KLF3: variants seen among roughly 807,000 people sequenced by gnomAD.
KLF3 encodes the protein Krueppel-like factor 3.
KLF3 carries 6 observed loss-of-function variants against 32.7 expected under a neutral mutation model. The ratio of observed to expected loss-of-function variants is 0.18; its 90% CI spans 0.10 to 0.36. The LOEUF (loss-of-function observed/expected upper bound fraction) is 0.36, where lower values mean the gene tolerates loss of function less well. KLF3 is among the 10% of genes least tolerant of loss of function. KLF3 has a pLI of 1.00. For missense variants in KLF3, 338 were observed against 449.7 expected (o/e 0.75, Z 2.25); for synonymous variants, 145 against 172.8 (o/e 0.84, Z 1.26).
At chr4:38,673,070 G>C (rs907528005) in intron 1 of KLF3, among the ~76,000 whole-genome samples, 1 of 152,218 alleles carries the variant, frequency 6.6e-6, no homozygotes, top group Non-Finnish European at 1.5e-5. Context: ...TAAAGGGAGA[G>C]GGTAGGCTTC....
intron 4 of KLF3, among the ~76,000 whole-genome samples, chr4:38,691,009 C>T (rs2109253907): frequency 6.6e-6 from 1 of 152,182 alleles, no homozygotes; most frequent in South Asian, 2.1e-4. Flanking sequence ...AACTCTTAGC[C>T]GACTTCATCA....
intron 1 of KLF3, among the ~76,000 whole-genome samples, chr4:38,665,357 A>G (rs1466055209): frequency 3.3e-5 from 5 of 152,106 alleles, no homozygotes; most frequent in African/African-American, 1.2e-4. Context: ...CCTACCTAAC[A>G]TTTCCAAGTG....
chr4:38,676,543 T>G lies in KLF3; in HGVS notation c.-39-4044T>G, dbSNP rs147253290. Among the ~76,000 whole-genome samples, 122 of 152,320 alleles carry G rather than the reference T, an allele frequency of 8.0e-4. 1 individual carries two copies. Among genetic ancestry groups the G allele is most frequent in the African/African-American group, 2.7e-3 (111 of 41,568 alleles). Reference sequence around the variant, plus strand: ...TCCCAAGAAGCTCCTGTTAACAGTTTCGGGTGTGTGGTTCCAGACGTTTTC... The same window carrying G: ...TCCCAAGAAGCTCCTGTTAACAGTTGCGGGTGTGTGGTTCCAGACGTTTTC... On this transcript the variant is annotated intron_variant, in intron 1 of 5. Coordinates refer to ENST00000261438, the MANE Select transcript of KLF3 (RefSeq NM_016531.6).
intron 1 of KLF3, among the ~76,000 whole-genome samples, chr4:38,670,761 G>T (rs1722176328): frequency 6.6e-6 from 1 of 152,246 alleles, no homozygotes. Context: ...GAGTTTCCAT[G>T]TAGGACACCT....
chr4:38,696,596 C>T (rs565579055), intron 5 of KLF3, among the ~76,000 whole-genome samples: 1 of 152,116 alleles, frequency 6.6e-6, no homozygotes, highest in African/African-American at 2.4e-5. Context: ...ATTGACTAAA[C>T]AAGAAAATAA....
At chr4:38,693,099 TATATGTAC>T (rs1218671715) in intron 4 of KLF3, among the ~76,000 whole-genome samples, 4 of 95,634 alleles carry the variant, frequency 4.2e-5, no homozygotes, top group African/African-American at 1.6e-4. Flanking sequence ...CACGTATATA[TATATGTAC>T]ATATATATAC....
chr4:38,672,493 T>C (rs1191694463), intron 1 of KLF3, among the ~76,000 whole-genome samples: 1 of 151,962 alleles, frequency 6.6e-6, no homozygotes, highest in Non-Finnish European at 1.5e-5. Context: ...AGCTGGTCTT[T>C]GAAGAATTAG....
intron 1 of KLF3, among the ~76,000 whole-genome samples, chr4:38,676,561 A>T (rs1161204835): frequency 6.6e-6 from 1 of 152,180 alleles, no homozygotes; most frequent in East Asian, 1.9e-4. Context: ...GTGGTTCCAG[A>T]CGTTTTCTTT....
intron 1 of KLF3, among the ~76,000 whole-genome samples, chr4:38,672,313 G>C (rs1307910891): frequency 6.6e-6 from 1 of 152,190 alleles, no homozygotes; most frequent in Non-Finnish European, 1.5e-5. Flanking sequence ...AGTGGGGAGG[G>C]AGCCCTCTCA....
chr4:38,694,977 C>A, intron 5 of KLF3, 71 bp downstream of exon 5: 1 of 1,470,888 alleles, frequency 6.8e-7, no homozygotes, highest in Non-Finnish European at 9.1e-7. Flanking sequence ...AAGGTTGTTA[C>A]GATCAAAGTT....
intron 2 of KLF3, among the ~76,000 whole-genome samples, chr4:38,686,776 C>T (rs779763936): frequency 6.6e-6 from 1 of 152,162 alleles, no homozygotes; most frequent in Non-Finnish European, 1.5e-5. Context: ...TGATCTTAAC[C>T]ATGAGGACCT....
At chr4:38,669,960 TG>T (rs1553892928) in intron 1 of KLF3, among the ~76,000 whole-genome samples, 1 of 3,898 alleles carries the variant, frequency 2.6e-4, no homozygotes, top group South Asian at 0.01. Context: ...TATTCTGTAA[TG>T]AATGTGACCA....
chr4:38,691,814 G>T (rs1169153172), intron 4 of KLF3, among the ~76,000 whole-genome samples: 1 of 152,164 alleles, frequency 6.6e-6, no homozygotes, highest in East Asian at 1.9e-4. Context: ...GTAACGTCTT[G>T]GAGTATGCCC....
chr4:38,685,775 A>T (rs1722675226), intron 2 of KLF3, among the ~76,000 whole-genome samples: 1 of 152,214 alleles, frequency 6.6e-6, no homozygotes, highest in East Asian at 1.9e-4. Context: ...CTAGTACCAG[A>T]ACCATTGCCC....
intron 1 of KLF3, among the ~76,000 whole-genome samples, chr4:38,677,158 C>T (rs574575197): frequency 1.4e-4 from 22 of 152,076 alleles, no homozygotes; most frequent in Admixed American, 3.9e-4. Flanking sequence ...AACGGGGTTT[C>T]ACCACGTCGG....
chr4:38,683,174 C>T (rs958962634), intron 2 of KLF3, among the ~76,000 whole-genome samples: 1 of 152,092 alleles, frequency 6.6e-6, no homozygotes, highest in Non-Finnish European at 1.5e-5. Flanking sequence ...AAAAGTCTTT[C>T]GCTATTCAAG....
In KLF3 at chr4:38,700,253, G is replaced by A. The variant is rs1190430985; in HGVS notation, c.*2990G>A. 2.6e-5 allele frequency: 4 copies of A among 152,132 alleles called. No homozygotes were observed. Among genetic ancestry groups the A allele is most frequent in the African/African-American group, 9.7e-5 (4 of 41,432 alleles). The allele number at this position is 152,132 out of a possible 1,614,324, so 9.4% of individuals were successfully genotyped here. On this transcript the variant is annotated 3_prime_UTR_variant, in exon 6 of 6. Transcript: ENST00000261438. ...AGAGCCTTGGAACAGAATTACAGGG[G>A]AACTATATATGTATATGTATATTTT...
chr4:38,668,148 CAAT>C (rs1722097121), intron 1 of KLF3, among the ~76,000 whole-genome samples: 1 of 152,024 alleles, frequency 6.6e-6, no homozygotes, highest in Non-Finnish European at 1.5e-5. Flanking sequence ...TTTTGTTTTA[CAAT>C]AATATTTTTC....
chr4:38,677,878 A>AGTTTGTGTGT (rs1722399156), intron 1 of KLF3, among the ~76,000 whole-genome samples: 1 of 146,214 alleles, frequency 6.8e-6, no homozygotes, highest in Admixed American at 6.9e-5. Flanking sequence ...GGGCAAAAGG[A>AGTTTGTGTGT]GTGTGTGTGT....
Sources: gnomAD v4.1 joint callset for allele counts (sites outside exome capture counted in the v4.1 genomes callset) on GRCh38, gnomAD v4.1.1 for gene constraint, MANE v1.5 for transcripts, NCBI Gene and HGNC (gene_info 2026-07-23, HGNC 2026-07-21) for gene names.